Variants in NKAIN3 observed in about 807,000 individuals in gnomAD.
NKAIN3 encodes sodium/potassium-transporting ATPase subunit beta-1-interacting protein 3.
Under a neutral mutation model 30.2 loss-of-function variants are expected in NKAIN3, and 25 were observed. The observed-to-expected ratio is 0.83, with a 90% CI of 0.60 to 1.16. The LOEUF is 1.16. NKAIN3 is among the 50% of genes most tolerant of loss of function. The pLI, the probability that NKAIN3 is intolerant of heterozygous loss-of-function variation, is 0.00. For synonymous variants in NKAIN3, 91 were observed against 89.6 expected (o/e 1.02, Z -0.09); for missense variants, 225 against 254.1 (o/e 0.89, Z 0.78).
At chr8:62,588,653 A>G (rs1456349684) in intron 2 of NKAIN3, among the ~76,000 whole-genome samples, 1 of 151,892 alleles carries the variant, frequency 6.6e-6, no homozygotes, top group Non-Finnish European at 1.5e-5. Flanking sequence ...CACAGCATAG[A>G]ATAAGCTAAA....
intron 1 of NKAIN3, chr8:62,473,216 C>T (rs1030203786): frequency 6.6e-6 from 1 of 152,184 alleles, no homozygotes; most frequent in South Asian, 2.1e-4. Flanking sequence ...TTCTGAAGAA[C>T]TTGAAAGGAT....
intron 3 of NKAIN3, among the ~76,000 whole-genome samples, chr8:62,612,455 T>C (rs1466279071): frequency 6.6e-6 from 1 of 151,996 alleles, no homozygotes; most frequent in Non-Finnish European, 1.5e-5. Context: ...TTGGTTTCCA[T>C]TGGCATGGAA....
intron 1 of NKAIN3, among the ~76,000 whole-genome samples, chr8:62,478,879 G>T (rs968432460): frequency 6.6e-6 from 1 of 152,164 alleles, no homozygotes; most frequent in African/African-American, 2.4e-5. Context: ...TTTCAAGGTA[G>T]TGTGCTGGGT....
At position 62,412,922 on chromosome 8, in the gene NKAIN3, C is replaced by CA. The variant is rs1554528190; in HGVS notation, c.54+163808dup. Among the ~76,000 whole-genome samples the CA allele has an allele frequency of 2.2e-3, 172 of 79,536 alleles. 1 individual carries two copies. Among genetic ancestry groups the CA allele is most frequent in the African/African-American group, 6.9e-3 (129 of 18,784 alleles). The allele number at this position is 79,536 out of a possible 152,430, so 52.2% of individuals were successfully genotyped here. A position where few individuals can be genotyped will look rare whatever the true frequency, so the allele number is the denominator to read the frequency against. ...CTGAGACTCCGTCAAAAAAAAAAAA[C>CA]AAAAAAAAAAAAACAGCAAAACATA... On this transcript the variant is annotated intron_variant, in intron 1 of 6. Coordinates refer to ENST00000623646, the MANE Select transcript of NKAIN3 (RefSeq NM_001304533.3).
intron 4 of NKAIN3, among the ~76,000 whole-genome samples, chr8:62,873,629 A>G (rs1371097178): frequency 6.6e-6 from 1 of 151,774 alleles, no homozygotes; most frequent in African/African-American, 2.4e-5. Flanking sequence ...TGAAATCATA[A>G]CAGTATCTCA....
At chr8:62,354,027 T>C (rs1816269018) in intron 1 of NKAIN3, among the ~76,000 whole-genome samples, 1 of 152,138 alleles carries the variant, frequency 6.6e-6, no homozygotes, top group African/African-American at 2.4e-5. Context: ...TAAGAGTGGA[T>C]CTTTAACTGA....
chr8:62,453,736 C>T (rs958343767), intron 1 of NKAIN3, among the ~76,000 whole-genome samples: 2 of 152,158 alleles, frequency 1.3e-5, no homozygotes, highest in African/African-American at 4.8e-5. Flanking sequence ...CCCTCAGAGA[C>T]TGTTATAAGC....
At chr8:62,996,972 G>A (rs1024809914) in intron 5 of NKAIN3, among the ~76,000 whole-genome samples, 4 of 152,200 alleles carry the variant, frequency 2.6e-5, no homozygotes, top group East Asian at 3.9e-4. Context: ...GCAAGCTGTC[G>A]GTGGATCTAC....
chr8:62,328,405 C>G (rs1389830122), intron 1 of NKAIN3, among the ~76,000 whole-genome samples: 1 of 152,044 alleles, frequency 6.6e-6, no homozygotes, highest in Non-Finnish European at 1.5e-5. Flanking sequence ...TGTAAAATAC[C>G]TATAATGAGA....
At chr8:62,304,712 A>G (rs1179029854) in intron 1 of NKAIN3, among the ~76,000 whole-genome samples, 3 of 150,304 alleles carry the variant, frequency 2.0e-5, no homozygotes, top group Admixed American at 6.6e-5. Context: ...CTGATATTCT[A>G]TGATTTATTC....
At chr8:62,766,005 C>A (rs904644789) in intron 4 of NKAIN3, among the ~76,000 whole-genome samples, 3 of 152,106 alleles carry the variant, frequency 2.0e-5, no homozygotes, top group East Asian at 1.9e-4. Context: ...TTACTTGAAT[C>A]TTTCTTGCTT....
At chr8:62,534,221 C>G (rs1431988526) in intron 1 of NKAIN3, among the ~76,000 whole-genome samples, 1 of 152,082 alleles carries the variant, frequency 6.6e-6, no homozygotes, top group Non-Finnish European at 1.5e-5. Context: ...ACAGGAAGCC[C>G]GGGTCTGAGT....
intron 4 of NKAIN3, among the ~76,000 whole-genome samples, chr8:62,816,726 G>C (rs550508678): frequency 6.6e-6 from 1 of 152,256 alleles, no homozygotes; most frequent in South Asian, 2.1e-4. Flanking sequence ...ATATGGGGGA[G>C]TGTCAGCAGG....
At chr8:62,654,895 C>G (rs1044851501) in intron 3 of NKAIN3, among the ~76,000 whole-genome samples, 2 of 152,048 alleles carry the variant, frequency 1.3e-5, no homozygotes, top group African/African-American at 4.8e-5. Flanking sequence ...TGGGAATCCC[C>G]ATAGTTATGG....
intron 3 of NKAIN3, among the ~76,000 whole-genome samples, chr8:62,671,088 G>A (rs774409957): frequency 3.9e-5 from 6 of 152,092 alleles, no homozygotes; most frequent in Admixed American, 2.0e-4. Flanking sequence ...AAGATTCTCA[G>A]CACTTTTGAA....
chr8:62,495,813 G>A (rs34488998), intron 1 of NKAIN3, among the ~76,000 whole-genome samples: 3,559 of 152,018 alleles, frequency 0.023, 71 homozygotes, highest in Middle Eastern at 0.058. Flanking sequence ...TATTCACAGG[G>A]GTTAGGTAAC....
chr8:62,295,602 T>G (rs1813800043), intron 1 of NKAIN3, among the ~76,000 whole-genome samples: 1 of 152,214 alleles, frequency 6.6e-6, no homozygotes, highest in Non-Finnish European at 1.5e-5. Context: ...CGGTTTCTAT[T>G]TCACAGCTTT....
chr8:62,358,191 A>G (rs1250902501), intron 1 of NKAIN3, among the ~76,000 whole-genome samples: 2 of 150,576 alleles, frequency 1.3e-5, no homozygotes, highest in Admixed American at 6.6e-5. Context: ...ACCAAGAAGT[A>G]CTTACATTTA....
chr8:62,449,767 G>A (rs1013848321), intron 1 of NKAIN3, among the ~76,000 whole-genome samples: 13 of 152,062 alleles, frequency 8.5e-5, no homozygotes, highest in East Asian at 3.9e-4. Context: ...TCATTGAGTC[G>A]TCAGAAAACA....
Sources: gnomAD v4.1 joint callset for allele counts (sites outside exome capture counted in the v4.1 genomes callset) on GRCh38, gnomAD v4.1.1 for gene constraint, MANE v1.5 for transcripts, NCBI Gene and HGNC (gene_info 2026-07-23, HGNC 2026-07-21) for gene names.